The following SMIM10L3 variants were observed in gnomAD, a reference collection of about 807,000 sequenced individuals.
SMIM10L3 encodes small integral membrane protein 10 like 3.
the SMIM10L3 span, among the ~76,000 whole-genome samples, chr7:6,331,591 G>A: frequency 7.3e-3 from 1,105 of 152,170 alleles, 12 homozygotes; most frequent in African/African-American, 0.025. Flanking sequence ...CAAGTTAGCT[G>A]GGATGGTCTC....
the SMIM10L3 span, among the ~76,000 whole-genome samples, chr7:6,348,230 TA>T: frequency 1.0e-5 from 1 of 97,642 alleles, no homozygotes; most frequent in Non-Finnish European, 2.1e-5. Context: ...CAATTAAAAA[TA>T]AGGGGGGGGG....
At chr7:6,329,611 A>C in the SMIM10L3 span, 1 of 159,872 alleles carries the variant, frequency 6.3e-6, no homozygotes, top group Non-Finnish European at 1.5e-5. Flanking sequence ...AGTTATCAAC[A>C]GACGACAACA....
chr7:6,338,810 C>G, the SMIM10L3 span: 1 of 152,340 alleles, frequency 6.6e-6, no homozygotes, highest in East Asian at 1.9e-4. Flanking sequence ...CTAAAAATAT[C>G]TTGGCCCCAA....
At chr7:6,335,226 CTATTT>C in the SMIM10L3 span, among the ~76,000 whole-genome samples, 1 of 138,182 alleles carries the variant, frequency 7.2e-6, no homozygotes, top group South Asian at 2.4e-4. Flanking sequence ...CCATGCCCAG[CTATTT>C]TTTTTTTTTA....
the SMIM10L3 span, among the ~76,000 whole-genome samples, chr7:6,337,728 G>C: frequency 6.6e-6 from 1 of 151,570 alleles, no homozygotes; most frequent in Non-Finnish European, 1.5e-5. Context: ...GTCCCCTGAA[G>C]TTCTTCTAGT....
At chr7:6,332,696 T>A in the SMIM10L3 span, among the ~76,000 whole-genome samples, 1 of 151,746 alleles carries the variant, frequency 6.6e-6, no homozygotes, top group African/African-American at 2.4e-5. Context: ...TCAGACCCTG[T>A]CTCAAAAAAT....
At chr7:6,341,371 G>A in the SMIM10L3 span, among the ~76,000 whole-genome samples, 1 of 150,870 alleles carries the variant, frequency 6.6e-6, no homozygotes, top group Non-Finnish European at 1.5e-5. Flanking sequence ...TGAACCGGGA[G>A]GCGGAGCTTG....
the SMIM10L3 span, chr7:6,330,669 C>T: frequency 1.1e-5 from 18 of 1,614,062 alleles, no homozygotes; most frequent in Middle Eastern, 1.6e-4. Context: ...TTCCCATTTC[C>T]GGCACTTTTT....
At chr7:6,329,694 A>G in the SMIM10L3 span, 1 of 165,730 alleles carries the variant, frequency 6.0e-6, no homozygotes, top group Non-Finnish European at 1.5e-5. Context: ...TTATGTGGGA[A>G]ATAACTCGAT....
chr7:6,338,105 C>T, the SMIM10L3 span, among the ~76,000 whole-genome samples: 2 of 152,094 alleles, frequency 1.3e-5, no homozygotes, highest in Non-Finnish European at 2.9e-5. Context: ...TGCCCAGCCA[C>T]AAAAAGACTT....
chr7:6,334,147 A>G, the SMIM10L3 span, among the ~76,000 whole-genome samples: 1 of 151,088 alleles, frequency 6.6e-6, no homozygotes, highest in Non-Finnish European at 1.5e-5. Context: ...CACCCAGCCG[A>G]ACTCCTGGTC....
the SMIM10L3 span, among the ~76,000 whole-genome samples, chr7:6,339,542 G>A: frequency 1.4e-5 from 2 of 147,904 alleles, no homozygotes; most frequent in Non-Finnish European, 3.0e-5. Context: ...GGAGTGCAGT[G>A]GAGCAATCTC....
the SMIM10L3 span, chr7:6,329,715 G>A: frequency 6.0e-6 from 1 of 166,212 alleles, no homozygotes; most frequent in Non-Finnish European, 1.5e-5. Context: ...TTGCTTCTCT[G>A]TAACTGAGCT....
At chr7:6,343,042 A>G in the SMIM10L3 span, among the ~76,000 whole-genome samples, 2 of 126,864 alleles carry the variant, frequency 1.6e-5, no homozygotes, top group African/African-American at 6.0e-5. Flanking sequence ...TTCTCAAAAA[A>G]AAAAAAGAAA....
At chr7:6,330,538 T>C in the SMIM10L3 span, 13 of 1,613,840 alleles carry the variant, frequency 8.1e-6, no homozygotes, top group African/African-American at 1.3e-5. Context: ...TTTTGTCTCC[T>C]CACTCAGGAG....
chr7:6,339,233 C>A, the SMIM10L3 span, among the ~76,000 whole-genome samples: 1 of 152,004 alleles, frequency 6.6e-6, no homozygotes, highest in Non-Finnish European at 1.5e-5. Context: ...TTTGGGAGGC[C>A]GAGGTGGGGA....
chr7:6,334,617 C>A, the SMIM10L3 span, among the ~76,000 whole-genome samples: 4 of 152,028 alleles, frequency 2.6e-5, no homozygotes, highest in South Asian at 8.3e-4. Flanking sequence ...CAGGTGCACA[C>A]CGCCACGCCC....
At chr7:6,348,857 G>A in the SMIM10L3 span, 1 of 390,458 alleles carries the variant, frequency 2.6e-6, no homozygotes, top group Non-Finnish European at 4.5e-6. Flanking sequence ...AGCGAAGGAG[G>A]CGGCGGCTAG....
At chr7:6,330,289 C>A in the SMIM10L3 span, 1 of 1,299,684 alleles carries the variant, frequency 7.7e-7, no homozygotes, top group Admixed American at 2.3e-5. Context: ...CTAAGGGCTG[C>A]ACAGTTTGCA....
Sources: allele counts gnomAD v4.1 joint callset (sites outside exome capture counted in the v4.1 genomes callset), GRCh38; gene constraint gnomAD v4.1.1; transcripts MANE v1.5; gene names NCBI Gene and HGNC (gene_info 2026-07-23, HGNC 2026-07-21).